THSD7A: variants seen among roughly 807,000 people sequenced by gnomAD.
THSD7A encodes thrombospondin type-1 domain-containing protein 7A.
THSD7A carries 96 observed loss-of-function variants against 231.3 expected under a neutral mutation model. The observed-to-expected ratio is 0.41, with a 90% CI of 0.35 to 0.49. The LOEUF (loss-of-function observed/expected upper bound fraction) is 0.49. THSD7A is among the 20% of genes least tolerant of loss of function. THSD7A has a pLI of 0.05. For synonymous variants in THSD7A, 940 were observed against 743.3 expected, an observed-to-expected ratio of 1.26 and a Z score of -4.30; for missense variants, 2,290 against 2,070.2, an observed-to-expected ratio of 1.11 and a Z score of -2.06.
At chr7:11,552,756 A>G (rs1199762887) in intron 4 of THSD7A, among the ~76,000 whole-genome samples, 1 of 152,092 alleles carries the variant, frequency 6.6e-6, no homozygotes, top group African/African-American at 2.4e-5. Flanking sequence ...CGTGTACAGT[A>G]AGGAACAGAC....
intron 5 of THSD7A, 24 bp downstream of exon 5, chr7:11,542,938 G>T (rs2128323218): frequency 6.2e-7 from 1 of 1,608,786 alleles, no homozygotes; most frequent in Non-Finnish European, 8.5e-7. Flanking sequence ...GGTATAAAAG[G>T]CATGTCATGG....
Position 11,375,406 on chromosome 7 carries a change from A to C in THSD7A, c.*388T>G. ...ACCATAGTATTGTGGAGATCTTGGTAGAAACTCTTCATGCTAGGAAGTTTT... is the reference window on the plus strand; with the variant it reads ...ACCATAGTATTGTGGAGATCTTGGTCGAAACTCTTCATGCTAGGAAGTTTT... On this transcript the variant is annotated 3_prime_UTR_variant, in exon 28 of 28. Coordinates refer to ENST00000423059, the MANE Select transcript of THSD7A (RefSeq NM_015204.3). 4.6e-5 allele frequency: 7 copies of C among 152,358 alleles called. No individual in the cohort carries two copies. The highest frequency in any genetic ancestry group is 2.1e-4 in the South Asian group (1 of 4,742). 9.4% of individuals were successfully genotyped at this position (152,358 alleles called of 1,614,324 possible).
chr7:11,785,264 C>T (rs1375008143), intron 1 of THSD7A, among the ~76,000 whole-genome samples: 1 of 151,908 alleles, frequency 6.6e-6, no homozygotes, highest in African/African-American at 2.4e-5. Flanking sequence ...TGCTATATTG[C>T]CCAAGTTGGA....
intron 2 of THSD7A, among the ~76,000 whole-genome samples, chr7:11,626,855 C>T (rs1169997244): frequency 6.6e-6 from 1 of 151,976 alleles, no homozygotes; most frequent in East Asian, 1.9e-4. Flanking sequence ...ATAATATTCT[C>T]AATGTTGTAT....
At chr7:11,529,152 T>G (rs1371659527) in intron 6 of THSD7A, among the ~76,000 whole-genome samples, 1 of 152,164 alleles carries the variant, frequency 6.6e-6, no homozygotes, top group Non-Finnish European at 1.5e-5. Flanking sequence ...TTTTATAAGT[T>G]TGGTCAAACT....
chr7:11,745,659 A>G (rs1782274942), intron 1 of THSD7A, among the ~76,000 whole-genome samples: 1 of 152,106 alleles, frequency 6.6e-6, no homozygotes, highest in Non-Finnish European at 1.5e-5. Context: ...AGCTTTCTAC[A>G]TATGGCCAGC....
At chr7:11,379,852 A>C (rs1782440948) in intron 24 of THSD7A, 140 bp from the exon 25 acceptor site, 1 of 944,816 alleles carries the variant, frequency 1.1e-6, no homozygotes, top group Non-Finnish European at 1.6e-6. Flanking sequence ...ACTGTGAAAT[A>C]TTTGGTTAAC....
chr7:11,586,022 C>T (rs1275373128), intron 4 of THSD7A, among the ~76,000 whole-genome samples: 1 of 152,024 alleles, frequency 6.6e-6, no homozygotes, highest in African/African-American at 2.4e-5. Flanking sequence ...TTTTTACATC[C>T]CACTGTATTT....
chr7:11,725,478 T>C (rs745505494), intron 1 of THSD7A, among the ~76,000 whole-genome samples: 9 of 152,016 alleles, frequency 5.9e-5, no homozygotes, highest in Non-Finnish European at 1.0e-4. Flanking sequence ...TCTGCTAAGA[T>C]TCACTGCTTT....
At chr7:11,758,967 T>C (rs1782771494) in intron 1 of THSD7A, among the ~76,000 whole-genome samples, 1 of 152,020 alleles carries the variant, frequency 6.6e-6, no homozygotes, top group Admixed American at 6.6e-5. Context: ...TTGCTAAGCC[T>C]GGTCAAAAAA....
intron 1 of THSD7A, among the ~76,000 whole-genome samples, chr7:11,774,082 C>A (rs1464708307): frequency 6.6e-6 from 1 of 152,142 alleles, no homozygotes; most frequent in Non-Finnish European, 1.5e-5. Flanking sequence ...GTGGCTTTTT[C>A]ACAATGCTAG....
intron 2 of THSD7A, among the ~76,000 whole-genome samples, chr7:11,597,767 A>G (rs1484094709): frequency 2.0e-5 from 3 of 152,170 alleles, no homozygotes; most frequent in Admixed American, 6.5e-5. Context: ...AAAGTGGATC[A>G]TGCACAGCAG....
intron 9 of THSD7A, among the ~76,000 whole-genome samples, chr7:11,466,407 G>A (rs545645757): frequency 6.6e-6 from 1 of 152,104 alleles, no homozygotes; most frequent in South Asian, 2.1e-4. Flanking sequence ...CACAACAAAA[G>A]GCTAGCTTTC....
intron 14 of THSD7A, among the ~76,000 whole-genome samples, chr7:11,427,292 G>A (rs899412784): frequency 1.3e-5 from 2 of 152,072 alleles, no homozygotes; most frequent in African/African-American, 4.8e-5. Context: ...CAAATTCATA[G>A]AAGTTTCTAT....
rs182239108 is a variant in THSD7A at position 11,676,856 on chromosome 7, T to C, written c.191-39895A>G. Among the ~76,000 whole-genome samples the C allele has an allele frequency of 5.3e-5, 8 of 152,252 alleles. No homozygotes were observed. The East Asian group carries it at 1.5e-3, about 29-fold the overall frequency. On this transcript the variant is annotated intron_variant, in intron 1 of 27. Coordinates refer to ENST00000423059, the MANE Select transcript of THSD7A (RefSeq NM_015204.3). ...TTGGAAAACACACTGCAGTGTATTA[T>C]ACAGGAGAATTTCTTCAACCTAGCA...
intron 6 of THSD7A, among the ~76,000 whole-genome samples, chr7:11,510,231 C>A (rs140057261): frequency 0.016 from 2,447 of 152,208 alleles, 29 homozygotes; most frequent in Middle Eastern, 0.054. Context: ...CAGGAAGAAG[C>A]TGAATCCCTG....
intron 1 of THSD7A, among the ~76,000 whole-genome samples, chr7:11,649,677 A>G (rs530781670): frequency 6.6e-6 from 1 of 152,118 alleles, no homozygotes; most frequent in East Asian, 1.9e-4. Flanking sequence ...ATGTTATTGG[A>G]AACTTGAGGA....
chr7:11,780,932 A>C, intron 1 of THSD7A, among the ~76,000 whole-genome samples: 1 of 131,286 alleles, frequency 7.6e-6, no homozygotes, highest in Non-Finnish European at 1.6e-5. Flanking sequence ...CGGAGCTTGC[A>C]GTGAGCCGAG....
Position 11,750,530 on chromosome 7 carries a change from G to A in THSD7A, c.190+81227C>T, listed in dbSNP as rs184979829. 1.9e-3 allele frequency among the ~76,000 whole-genome samples: 294 copies of A among 152,048 alleles called. 3 individuals carry two copies. The highest frequency in any genetic ancestry group is 3.2e-4 in the Non-Finnish European group (22 of 67,954). On this transcript the variant is annotated intron_variant, in intron 1 of 27. Coordinates refer to ENST00000423059, the MANE Select transcript of THSD7A (RefSeq NM_015204.3). ...ATTCTGACCAAGTGATGGCAATATT[G>A]GAGGGACTGCCAAACCCAATAGTCT... is the stretch of plus-strand genomic sequence containing the variant.
Sources: gnomAD v4.1 joint callset for allele counts (sites outside exome capture counted in the v4.1 genomes callset) on GRCh38, gnomAD v4.1.1 for gene constraint, MANE v1.5 for transcripts, NCBI Gene and HGNC (gene_info 2026-07-23, HGNC 2026-07-21) for gene names.